MYO5A: variants seen among roughly 807,000 people sequenced by gnomAD.
The protein encoded by MYO5A is unconventional myosin-Va.
MYO5A carries 98 observed loss-of-function variants against 249.7 expected under a neutral mutation model. That is an observed-to-expected ratio of 0.39 (90% CI 0.33 to 0.46). MYO5A has a LOEUF of 0.46. Among genes scored for constraint, MYO5A ranks in the 20% least tolerant of loss-of-function variants. The pLI, the probability that MYO5A is intolerant of heterozygous loss-of-function variation, is 0.98. For missense variants in MYO5A, 1,696 were observed against 2,308.8 expected (o/e 0.73, Z 5.44); for synonymous variants, 778 against 810.6 (o/e 0.96, Z 0.68).
chr15:52,419,799 G>C (rs937233621), intron 4 of MYO5A, among the ~76,000 whole-genome samples: 1 of 152,162 alleles, frequency 6.6e-6, no homozygotes, highest in Admixed American at 6.6e-5. Flanking sequence ...AAAGATGCTA[G>C]AGCAGAAATA....
intron 11 of MYO5A, among the ~76,000 whole-genome samples, chr15:52,393,362 C>A (rs1249609040): frequency 6.6e-6 from 1 of 151,942 alleles, no homozygotes; most frequent in African/African-American, 2.4e-5. Flanking sequence ...TATTGTAATG[C>A]CACTCTTGGC....
chr15:52,414,169 A>C (rs991227428), intron 5 of MYO5A, among the ~76,000 whole-genome samples: 2 of 152,056 alleles, frequency 1.3e-5, no homozygotes, highest in African/African-American at 4.8e-5. Context: ...GGTTGTTATG[A>C]AGTCGGGAGG....
At chr15:52,452,699 A>C (rs913734042) in intron 1 of MYO5A, among the ~76,000 whole-genome samples, 1 of 151,978 alleles carries the variant, frequency 6.6e-6, no homozygotes, top group Non-Finnish European at 1.5e-5. Context: ...ATCATTTACT[A>C]GAGCCAGGTA....
chr15:52,377,887 T>C (rs575193073), intron 18 of MYO5A, among the ~76,000 whole-genome samples: 1 of 152,306 alleles, frequency 6.6e-6, no homozygotes, highest in East Asian at 1.9e-4. Context: ...TCTGAAAGTC[T>C]AAGGGAAAAC....
At chr15:52,433,363 T>C (rs2075583950) in intron 1 of MYO5A, 78 bp from the exon 2 acceptor site, 1 of 743,460 alleles carries the variant, frequency 1.3e-6, no homozygotes, top group East Asian at 2.9e-5. Context: ...GATAACTATT[T>C]ATAATTAAAC....
rs2041796186 is a variant in MYO5A, at chr15:52,382,488, T to C, written c.2012+603A>G. Among the ~76,000 whole-genome samples the C allele has an allele frequency of 2.0e-5, 3 of 152,144 alleles. No individual in the cohort carries two copies. In the South Asian group the frequency reaches 6.2e-4, roughly 32 times the overall value. On this transcript the variant is annotated intron_variant, in intron 16 of 41. Coordinates refer to ENST00000399233, the MANE Select transcript of MYO5A (RefSeq NM_001382347.1). ...CGGGAGGCTGAGGCAGGAGAATCAC[T>C]TGAACCTGGGAGGCAGAGGTTGCGG...
At chr15:52,368,977 A>T (rs1162157707) in intron 22 of MYO5A, among the ~76,000 whole-genome samples, 4 of 152,242 alleles carry the variant, frequency 2.6e-5, no homozygotes, top group Non-Finnish European at 5.9e-5. Context: ...AAGAGATCTT[A>T]AACATTCAAG....
At chr15:52,327,612 T>G (rs2038672717) in intron 36 of MYO5A, among the ~76,000 whole-genome samples, 2 of 152,190 alleles carry the variant, frequency 1.3e-5, no homozygotes, top group Non-Finnish European at 2.9e-5. Flanking sequence ...GAGGCTGAGC[T>G]GAGAGGATTG....
chr15:52,335,515 CCAA>C (rs2039073423), intron 34 of MYO5A, among the ~76,000 whole-genome samples: 2 of 72,370 alleles, frequency 2.8e-5, no homozygotes, highest in South Asian at 1.2e-3. Flanking sequence ...GACTCTGTCT[CCAA>C]AAAAAAAAAA....
In MYO5A at chr15:52,390,015, C is replaced by T. The variant is rs4625671; in HGVS notation, c.1543-652G>A. On this transcript the variant is annotated intron_variant, in intron 12 of 41. Transcript: ENST00000399233. ...GTTGAAATATCAGGGCTATTATGTA[C>T]GTTTTTAAAATTCTGTTAAACAGAA... Among the ~76,000 whole-genome samples, 841 of 152,160 alleles carry T rather than the reference C, an allele frequency of 5.5e-3. 9 individuals are homozygous for T. The highest frequency in any genetic ancestry group is 0.019 in the African/African-American group (803 of 41,510).
rs374155876 is a variant in MYO5A at position 52,321,247 on chromosome 15, C to T, written c.4951+112G>A. The T allele has an allele frequency of 2.2e-4, 317 of 1,432,778 alleles. 3 individuals are homozygous for T. Among genetic ancestry groups the T allele is most frequent in the South Asian group, 1.4e-3 (121 of 85,692 alleles). The allele number at this position is 1,432,778 out of a possible 1,614,324, so 88.8% of individuals were successfully genotyped here. On this transcript the variant is annotated intron_variant, in intron 38 of 41. Coordinates refer to ENST00000399233, the MANE Select transcript of MYO5A (RefSeq NM_001382347.1). ...CTAATTTTAGCCCTGTATCTTACTA[C>T]TTTATGCTCCCCAAATGAATACCTG...
At chr15:52,434,534 T>C (rs2075619468) in intron 1 of MYO5A, among the ~76,000 whole-genome samples, 1 of 152,142 alleles carries the variant, frequency 6.6e-6, no homozygotes, top group South Asian at 2.1e-4. Flanking sequence ...TCCTGTAGCC[T>C]CAACATCATG....
chr15:52,412,436 T>A (rs1208452300), intron 5 of MYO5A, among the ~76,000 whole-genome samples: 1 of 152,206 alleles, frequency 6.6e-6, no homozygotes, highest in African/African-American at 2.4e-5. Flanking sequence ...AACAAATGAA[T>A]TAGAAGCCCG....
At chr15:52,483,973 A>T (rs992756505) in intron 1 of MYO5A, among the ~76,000 whole-genome samples, 1 of 152,200 alleles carries the variant, frequency 6.6e-6, no homozygotes, top group Non-Finnish European at 1.5e-5. Flanking sequence ...GTCAGGAAGC[A>T]TCTGGTAGCT....
intron 1 of MYO5A, among the ~76,000 whole-genome samples, chr15:52,484,875 C>T (rs905297984): frequency 6.6e-6 from 1 of 151,928 alleles, no homozygotes; most frequent in African/African-American, 2.4e-5. Flanking sequence ...TTTTTCGCTG[C>T]TCCTGGATGA....
chr15:52,439,541 A>G (rs2075741260), intron 1 of MYO5A, among the ~76,000 whole-genome samples: 1 of 152,246 alleles, frequency 6.6e-6, no homozygotes, highest in Non-Finnish European at 1.5e-5. Context: ...GTTTGTGGGC[A>G]GCACATATAT....
At chr15:52,450,317 G>A (rs759580734) in intron 1 of MYO5A, among the ~76,000 whole-genome samples, 7 of 151,842 alleles carry the variant, frequency 4.6e-5, no homozygotes, top group South Asian at 2.1e-4. Flanking sequence ...TGCTTAGTAC[G>A]TAGAAGGCAG....
At chr15:52,521,930 A>G (rs2077630442) in intron 1 of MYO5A, among the ~76,000 whole-genome samples, 1 of 152,258 alleles carries the variant, frequency 6.6e-6, no homozygotes, top group Non-Finnish European at 1.5e-5. Context: ...TCAAAGGCAG[A>G]CATCATTAAT....
chr15:52,477,746 T>A (rs1258524274), intron 1 of MYO5A, among the ~76,000 whole-genome samples: 2 of 152,178 alleles, frequency 1.3e-5, no homozygotes, highest in Non-Finnish European at 1.5e-5. Flanking sequence ...GAACGGCTAA[T>A]GTTGCTGCCT....
Sources: gnomAD v4.1 joint callset for allele counts (sites outside exome capture counted in the v4.1 genomes callset) on GRCh38, gnomAD v4.1.1 for gene constraint, MANE v1.5 for transcripts, NCBI Gene and HGNC (gene_info 2026-07-23, HGNC 2026-07-21) for gene names.